The following MAGI2 variants were observed in gnomAD, a reference collection of about 807,000 sequenced individuals.
MAGI2 encodes the protein membrane-associated guanylate kinase, WW and PDZ domain-containing protein 2.
A neutral mutation model predicts 133.3 loss-of-function variants in MAGI2; 35 were observed. The ratio of observed to expected loss-of-function variants is 0.26; its 90% CI spans 0.20 to 0.35. The LOEUF is 0.35. Among genes scored for constraint, MAGI2 ranks in the 10% least tolerant of loss-of-function variants. The probability of loss-of-function intolerance (pLI) is 1.00; values close to 1 mark genes in which losing one functional copy is unlikely to be tolerated. For missense variants in MAGI2, 1,636 were observed against 1,863.4 expected (o/e 0.88, Z 2.25); for synonymous variants, 729 against 710.6 (o/e 1.03, Z -0.41).
At chr7:78,158,595 C>T (rs901735266) in intron 16 of MAGI2, among the ~76,000 whole-genome samples, 3 of 152,128 alleles carry the variant, frequency 2.0e-5, no homozygotes, top group Non-Finnish European at 4.4e-5. Context: ...CAGACCTAAC[C>T]GACTCCATCT....
At chr7:78,300,706 C>T (rs920998464) in intron 9 of MAGI2, among the ~76,000 whole-genome samples, 1 of 152,162 alleles carries the variant, frequency 6.6e-6, no homozygotes, top group Non-Finnish European at 1.5e-5. Context: ...GAACTGATTC[C>T]CCAGGGAACA....
At chr7:79,157,552 C>G (rs1823903195) in intron 1 of MAGI2, among the ~76,000 whole-genome samples, 1 of 76,716 alleles carries the variant, frequency 1.3e-5, no homozygotes, top group Non-Finnish European at 3.8e-5. Flanking sequence ...TCAGATCCTC[C>G]TTTTAAGAAA....
intron 2 of MAGI2, among the ~76,000 whole-genome samples, chr7:78,700,165 AAC>A (rs942915401): frequency 6.6e-6 from 1 of 152,174 alleles, no homozygotes; most frequent in African/African-American, 2.4e-5. Context: ...AGGTTGATAG[AAC>A]AGTTTCAAGT....
chr7:78,874,242 T>C (rs1238437496), intron 2 of MAGI2, among the ~76,000 whole-genome samples: 2 of 152,144 alleles, frequency 1.3e-5, no homozygotes, highest in Non-Finnish European at 2.9e-5. Context: ...AAAATAGTTA[T>C]AAATTTCAAT....
chr7:78,313,211 G>A (rs570779888), intron 9 of MAGI2, among the ~76,000 whole-genome samples: 5 of 152,160 alleles, frequency 3.3e-5, no homozygotes, highest in African/African-American at 1.2e-4. Flanking sequence ...GCATTAGAGT[G>A]TGGTGAAGGA....
intron 9 of MAGI2, among the ~76,000 whole-genome samples, chr7:78,279,833 G>C (rs138536912): frequency 0.011 from 1,656 of 152,232 alleles, 30 homozygotes; most frequent in African/African-American, 0.037. Context: ...TCCAATAGCA[G>C]GATCTGTCAT....
chr7:78,958,794 G>C (rs1024193533), intron 2 of MAGI2, among the ~76,000 whole-genome samples: 1 of 152,104 alleles, frequency 6.6e-6, no homozygotes, highest in Non-Finnish European at 1.5e-5. Flanking sequence ...CCACCGCAAA[G>C]CATGTGATAT....
chr7:78,384,134 GA>G (rs1447832510), intron 6 of MAGI2, among the ~76,000 whole-genome samples: 1 of 151,952 alleles, frequency 6.6e-6, no homozygotes, highest in African/African-American at 2.4e-5. Flanking sequence ...TATGAAGAAT[GA>G]CATTAGTATT....
At chr7:78,552,176 CTTTTT>C (rs869196799) in intron 3 of MAGI2, among the ~76,000 whole-genome samples, 5 of 90,346 alleles carry the variant, frequency 5.5e-5, no homozygotes, top group African/African-American at 1.3e-4. Context: ...ATTTGTTTTC[CTTTTT>C]TTTTTTTTTT....
At chr7:78,995,463 T>C (rs927459681) in intron 2 of MAGI2, among the ~76,000 whole-genome samples, 2 of 152,146 alleles carry the variant, frequency 1.3e-5, no homozygotes, top group Non-Finnish European at 2.9e-5. Context: ...TGGAACCTGA[T>C]TGATTAGTGA....
intron 1 of MAGI2, among the ~76,000 whole-genome samples, chr7:79,061,776 T>G (rs1813768472): frequency 6.6e-6 from 1 of 152,064 alleles, no homozygotes; most frequent in Admixed American, 6.6e-5. Context: ...AGGTCTGCTA[T>G]CAGCCTCGGA....
At chr7:79,207,560 G>A (rs1298678124) in intron 1 of MAGI2, among the ~76,000 whole-genome samples, 1 of 151,724 alleles carries the variant, frequency 6.6e-6, no homozygotes, top group Non-Finnish European at 1.5e-5. Flanking sequence ...AGAAATTGAA[G>A]ACACAAATAA....
chr7:78,949,358 TG>T (rs1396220414), intron 2 of MAGI2, among the ~76,000 whole-genome samples: 2 of 152,140 alleles, frequency 1.3e-5, no homozygotes, highest in East Asian at 3.9e-4. Flanking sequence ...AATTAATACC[TG>T]ATCAATGGAA....
At chr7:78,686,997 T>A (rs973704394) in intron 2 of MAGI2, among the ~76,000 whole-genome samples, 1 of 152,182 alleles carries the variant, frequency 6.6e-6, no homozygotes, top group Non-Finnish European at 1.5e-5. Context: ...CTGGGCTAAA[T>A]CACTGGTTTC....
intron 1 of MAGI2, among the ~76,000 whole-genome samples, chr7:79,277,526 A>G (rs1381405394): frequency 6.6e-6 from 1 of 152,030 alleles, no homozygotes; most frequent in East Asian, 1.9e-4. Context: ...ATATGTGCTG[A>G]TCATCTAAAA....
chr7:78,290,577 T>A (rs907409734), intron 9 of MAGI2, among the ~76,000 whole-genome samples: 10 of 152,268 alleles, frequency 6.6e-5, no homozygotes, highest in African/African-American at 2.4e-4. Flanking sequence ...TGAACTCAGC[T>A]CTGCACCAAG....
intron 9 of MAGI2, among the ~76,000 whole-genome samples, chr7:78,343,023 T>A (rs891323147): frequency 2.0e-5 from 3 of 152,214 alleles, no homozygotes; most frequent in African/African-American, 7.2e-5. Flanking sequence ...ATATTTAATT[T>A]CTTCATTGTT....
chr7:78,130,976 A>G (rs970901746), intron 18 of MAGI2, among the ~76,000 whole-genome samples: 7 of 152,214 alleles, frequency 4.6e-5, no homozygotes, highest in Non-Finnish European at 1.0e-4. Context: ...CACACCAGGG[A>G]TGAGCTCACC....
intron 6 of MAGI2, among the ~76,000 whole-genome samples, chr7:78,478,180 G>A (rs1791982591): frequency 6.6e-6 from 1 of 151,750 alleles, no homozygotes. Context: ...TTGGTATGCG[G>A]AAAACCAAAT....
Sources: allele counts gnomAD v4.1 joint callset (sites outside exome capture counted in the v4.1 genomes callset), GRCh38; gene constraint gnomAD v4.1.1; transcripts MANE v1.5; gene names NCBI Gene and HGNC (gene_info 2026-07-23, HGNC 2026-07-21).